Variants in INPP5A observed in about 807,000 individuals in gnomAD.
INPP5A encodes the protein 43 kDa inositol polyphosphate 5-phophatase.
INPP5A carries 14 observed loss-of-function variants against 65.2 expected under a neutral mutation model. The observed-to-expected ratio is 0.21, with a 90% CI of 0.14 to 0.34. INPP5A has a LOEUF of 0.34. INPP5A is among the 10% of genes least tolerant of loss of function. INPP5A has a pLI of 1.00. For synonymous variants in INPP5A, 207 were observed against 208.3 expected, an observed-to-expected ratio of 0.99 and a Z score of 0.05; for missense variants, 431 against 545.6, an observed-to-expected ratio of 0.79 and a Z score of 2.09.
At chr10:132,607,685 G>A (rs1338209304) in intron 1 of INPP5A, among the ~76,000 whole-genome samples, 2 of 152,262 alleles carry the variant, frequency 1.3e-5, no homozygotes, top group African/African-American at 2.4e-5. Context: ...CTGAGACAGA[G>A]TGCATCGTGC....
At chr10:132,556,657 A>G (rs980748612) in intron 1 of INPP5A, among the ~76,000 whole-genome samples, 3 of 152,218 alleles carry the variant, frequency 2.0e-5, no homozygotes, top group Admixed American at 1.3e-4. Flanking sequence ...CTGATATTCC[A>G]CATCCTTGAC....
intron 1 of INPP5A, among the ~76,000 whole-genome samples, chr10:132,573,441 C>T (rs1228579383): frequency 1.1e-4 from 6 of 56,094 alleles, no homozygotes; most frequent in African/African-American, 1.7e-4. Flanking sequence ...TTGGGGTGTA[C>T]GTGCCGTGTG....
intron 8 of INPP5A, among the ~76,000 whole-genome samples, chr10:132,722,302 A>G (rs1845899018): frequency 1.3e-5 from 2 of 152,178 alleles, no homozygotes; most frequent in African/African-American, 4.8e-5. Context: ...AAAGGAAAGA[A>G]GGAAAAAAAC....
intron 8 of INPP5A, among the ~76,000 whole-genome samples, chr10:132,719,513 G>A (rs1236039789): frequency 1.6e-4 from 24 of 145,526 alleles, no homozygotes; most frequent in African/African-American, 3.9e-4. Flanking sequence ...CTGTCTGGGC[G>A]CCTTAGACGG....
chr10:132,778,587 G>A (rs867005951), intron 13 of INPP5A, among the ~76,000 whole-genome samples: 9 of 152,128 alleles, frequency 5.9e-5, no homozygotes, highest in African/African-American at 1.9e-4. Context: ...GAAAGCTTGC[G>A]GGTGTGCGTG....
intron 4 of INPP5A, among the ~76,000 whole-genome samples, chr10:132,689,695 A>G (rs1275777227): frequency 6.6e-6 from 1 of 152,264 alleles, no homozygotes; most frequent in African/African-American, 2.4e-5. Context: ...ATCTGTAGAA[A>G]ATACCACGTG....
At position 132,739,634 on chromosome 10, in the gene INPP5A, T is replaced by C. The variant is rs545509342; in HGVS notation, c.733-9883T>C. ...CGCTCTCTGGCCTTTGCTGCCCTCC[T>C]TGCCCTGGGAGCCGGGTGAGTCGCA... On this transcript the variant is annotated intron_variant, in intron 9 of 15. Transcript: ENST00000368594. Among the ~76,000 whole-genome samples, 6 of 152,362 alleles carry C rather than the reference T, an allele frequency of 3.9e-5. No individual in the cohort carries two copies. In the East Asian group the frequency reaches 1.2e-3, roughly 29 times the overall value.
chr10:132,781,561 A>G (rs951406626), intron 14 of INPP5A, among the ~76,000 whole-genome samples: 5 of 152,224 alleles, frequency 3.3e-5, no homozygotes, highest in African/African-American at 1.2e-4. Flanking sequence ...TTTGGGGCCT[A>G]TTTAGCCATT....
intron 1 of INPP5A, among the ~76,000 whole-genome samples, chr10:132,548,792 CTTTTTTTTTTTTT>C (rs71013535): frequency 1.3e-5 from 1 of 79,270 alleles, no homozygotes; most frequent in Non-Finnish European, 2.4e-5. Context: ...GTTTATCTGG[CTTTTTTTTTTTTT>C]TTTTTTTTTT....
At chr10:132,591,066 G>T (rs1290909803) in intron 1 of INPP5A, among the ~76,000 whole-genome samples, 1 of 152,152 alleles carries the variant, frequency 6.6e-6, no homozygotes, top group Non-Finnish European at 1.5e-5. Flanking sequence ...CGCCATTTGG[G>T]GATCTTCTGT....
intron 2 of INPP5A, among the ~76,000 whole-genome samples, chr10:132,639,175 C>A (rs999531222): frequency 1.3e-5 from 2 of 152,202 alleles, no homozygotes; most frequent in African/African-American, 4.8e-5. Flanking sequence ...CATTCCCCTC[C>A]AGCCCTGCCC....
rs1216017039 is a variant in INPP5A, at chr10:132,698,896, CG to C, written c.474+978del. Among the ~76,000 whole-genome samples, 1 of 152,222 alleles carries C rather than the reference CG, an allele frequency of 6.6e-6. No homozygotes were observed. The highest frequency in any genetic ancestry group is 1.5e-5 in the Non-Finnish European group (1 of 68,034). ...AACTTTATTAACTTGCTTTATGGCC[CG>C]CACCTTGAGTGAGGGACTGTGGCCG... On this transcript the variant is annotated intron_variant, in intron 6 of 15. Coordinates refer to ENST00000368594, the MANE Select transcript of INPP5A (RefSeq NM_005539.5). The surrounding 1 kb of genome is among the most constrained non-coding windows in gnomAD (Gnocchi z 5.5).
chr10:132,608,061 C>A, intron 2 of INPP5A, 105 bp downstream of exon 2: 1 of 1,006,818 alleles, frequency 9.9e-7, no homozygotes, highest in Non-Finnish European at 1.5e-6. Flanking sequence ...ATGGGGAGCG[C>A]AGGCCTGGGC....
chr10:132,656,523 C>T (rs2072658849), intron 4 of INPP5A, among the ~76,000 whole-genome samples: 1 of 152,136 alleles, frequency 6.6e-6, no homozygotes, highest in Admixed American at 6.5e-5. Flanking sequence ...CTGCACAGGA[C>T]CCCAGCTGGA....
chr10:132,682,533 G>A (rs2133459111), intron 4 of INPP5A, among the ~76,000 whole-genome samples: 1 of 152,364 alleles, frequency 6.6e-6, no homozygotes, highest in Non-Finnish European at 1.5e-5. Flanking sequence ...GGCTGGCACT[G>A]GGCCATGGCA....
At position 132,732,712 on chromosome 10, in the gene INPP5A, C is replaced by T. The variant is rs200949007; in HGVS notation, c.732+5807C>T. 2.2e-4 allele frequency among the ~76,000 whole-genome samples: 33 copies of T among 152,272 alleles called. No individual in the cohort carries two copies. The East Asian group carries it at 5.8e-3, about 27-fold the overall frequency. Reference sequence around the variant, plus strand: ...AGGACCCTGAGGCCCAGGGCAGGGGCGGTATCCCCAGGGTCACCTGCGGCC... The same window carrying T: ...AGGACCCTGAGGCCCAGGGCAGGGGTGGTATCCCCAGGGTCACCTGCGGCC... On this transcript the variant is annotated intron_variant, in intron 9 of 15. Coordinates refer to ENST00000368594, the MANE Select transcript of INPP5A (RefSeq NM_005539.5).
chr10:132,715,417 G>A (rs1441894888), intron 8 of INPP5A, among the ~76,000 whole-genome samples: 1 of 152,212 alleles, frequency 6.6e-6, no homozygotes, highest in Non-Finnish European at 1.5e-5. Context: ...TTTATGTCCA[G>A]TCAAAAGAGT....
At chr10:132,604,031 T>TGCGCC (rs2071809053) in intron 1 of INPP5A, among the ~76,000 whole-genome samples, 7 of 146,004 alleles carry the variant, frequency 4.8e-5, no homozygotes, top group African/African-American at 1.8e-4. Flanking sequence ...TGTCCCGCCC[T>TGCGCC]GTGCCGTCAG....
In INPP5A at chr10:132,663,126, G is replaced by A. The variant is rs1227755077; in HGVS notation, c.306+12621G>A. Among the ~76,000 whole-genome samples the A allele has an allele frequency of 2.0e-5, 3 of 152,222 alleles. No homozygotes were observed. The highest frequency in any genetic ancestry group is 7.2e-5 in the African/African-American group (3 of 41,448). On this transcript the variant is annotated intron_variant, in intron 4 of 15. Coordinates refer to ENST00000368594, the MANE Select transcript of INPP5A (RefSeq NM_005539.5). The surrounding 1 kb of genome is among the most constrained non-coding windows in gnomAD (Gnocchi z 4.5). ...TGTGTCTCACAACTCAGGCAACTCG[G>A]CACGCCGCAGGACATAACGGCAGAG...
Sources: allele counts gnomAD v4.1 joint callset (sites outside exome capture counted in the v4.1 genomes callset), GRCh38; gene constraint gnomAD v4.1.1; non-coding constraint Gnocchi (gnomAD v3.1); transcripts MANE v1.5; gene names NCBI Gene and HGNC (gene_info 2026-07-23, HGNC 2026-07-21).